The following TRIOBP variants were observed in gnomAD, a reference collection of about 807,000 sequenced individuals.
TRIOBP encodes TRIO and F-actin-binding protein.
TRIOBP carries 169 observed loss-of-function variants against 238.8 expected under a neutral mutation model. The ratio of observed to expected loss-of-function variants is 0.71; its 90% CI spans 0.62 to 0.80. The LOEUF (loss-of-function observed/expected upper bound fraction) is 0.80, where lower values mean the gene tolerates loss of function less well. Ranked by LOEUF, TRIOBP falls within the 30% of genes least tolerant of loss-of-function variation. TRIOBP has a pLI of 0.00. For missense variants in TRIOBP, 2,838 were observed against 3,122.6 expected (o/e 0.91, Z 2.17); for synonymous variants, 1,150 against 1,274.4 (o/e 0.90, Z 2.08).
intron 4 of TRIOBP, among the ~76,000 whole-genome samples, chr22:37,712,631 G>C (rs113981457): frequency 1.3e-5 from 2 of 151,420 alleles, no homozygotes; most frequent in Non-Finnish European, 2.9e-5. Flanking sequence ...CACTGCGCCC[G>C]GCCTAAAATG....
rs1311310504 is a variant in TRIOBP, at chr22:37,715,795, G to A, written c.489G>A (p.Glu163=). 3.1e-6 allele frequency: 5 copies of A among 1,614,062 alleles called. No individual in the cohort carries two copies. In the South Asian group the frequency reaches 5.5e-5, roughly 18 times the overall value. ...ACACTGTTGAGAGGCAGGAGGAGGAGGCCCCCAGCTGGGACGAGCTCGCAG... is the reference window on the plus strand; with the variant it reads ...ACACTGTTGAGAGGCAGGAGGAGGAAGCCCCCAGCTGGGACGAGCTCGCAG... ...DWDTVERQEE[E]APSWDELAVM... The change falls in exon 6 of 24, where the codon GAG becomes GAA. Residue 163 remains glutamate, a synonymous_variant. Coordinates refer to ENST00000644935, the MANE Select transcript of TRIOBP (RefSeq NM_001039141.3).
At chr22:37,752,915 C>G (rs1485263999) in intron 12 of TRIOBP, among the ~76,000 whole-genome samples, 1 of 152,230 alleles carries the variant, frequency 6.6e-6, no homozygotes, top group Non-Finnish European at 1.5e-5. Context: ...TTGGTCTCTT[C>G]CAGGCCTAGG....
intron 20 of TRIOBP, 27 bp from the exon 21 acceptor site, chr22:37,769,235 C>A: frequency 6.2e-7 from 1 of 1,605,494 alleles, no homozygotes; most frequent in South Asian, 1.1e-5. Context: ...CCCGGCACCC[C>A]TCCCCTGACC....
chr22:37,713,097 C>T, intron 4 of TRIOBP, 113 bp from the exon 5 acceptor site: 1 of 946,746 alleles, frequency 1.1e-6, no homozygotes, highest in Non-Finnish European at 1.6e-6. Flanking sequence ...GGCTCCCTTT[C>T]CCACACCAGC....
At chr22:37,710,593 G>C (rs1415012268) in intron 4 of TRIOBP, 27 bp downstream of exon 4, 3 of 1,598,718 alleles carry the variant, frequency 1.9e-6, no homozygotes, top group Non-Finnish European at 2.6e-6. Context: ...GGCCCAGGAA[G>C]GGCTTCATGG....
rs752638945 is a variant in TRIOBP at position 37,754,907 on chromosome 22, A to C, written c.5410A>C (p.Thr1804Pro). Reference sequence around the variant, plus strand: ...CTCCCCCTCGCTCACCACCACCTCTACTTCGCAGTGGAAGAAACATTGGTT... The same window carrying C: ...CTCCCCCTCGCTCACCACCACCTCTCCTTCGCAGTGGAAGAAACATTGGTT... ...PPSPSLTTTS[T>P]SQWKKHWFVL... Residue 1804 changes from threonine to proline, a missense_variant, in exon 13 of 24, where the codon ACT becomes CCT. By Grantham distance (38) the Thr-to-Pro change is conservative. Coordinates refer to ENST00000644935, the MANE Select transcript of TRIOBP (RefSeq NM_001039141.3). The C allele has an allele frequency of 1.9e-6, 3 of 1,613,982 alleles. No individual in the cohort carries two copies. In the East Asian group the frequency reaches 6.7e-5, roughly 36 times the overall value.
intron 7 of TRIOBP, among the ~76,000 whole-genome samples, chr22:37,730,468 G>A (rs1173701555): frequency 6.6e-6 from 1 of 152,158 alleles, no homozygotes; most frequent in Non-Finnish European, 1.5e-5. Flanking sequence ...CAAGTGCCTT[G>A]CTTCCCTGCA....
At chr22:37,750,790 G>A (rs765818929) in intron 11 of TRIOBP, 3 of 465,534 alleles carry the variant, frequency 6.4e-6, no homozygotes, top group Non-Finnish European at 1.3e-5. Context: ...GTCGGGAGAG[G>A]TGGCCAGGCA....
At position 37,755,097 on chromosome 22, in the gene TRIOBP, C is replaced by A; in HGVS notation, c.5488-4C>A. The A allele has an allele frequency of 6.2e-7, 1 of 1,613,512 alleles. No individual in the cohort carries two copies. ...ACGGACCATAGTGGGCCCTCTTGCT[C>A]CAGGCAGATGAGCTGGATGGTGAGA... On this transcript the variant is annotated splice_polypyrimidine_tract_variant and splice_region_variant and intron_variant, in intron 13 of 23. Transcript: ENST00000644935.
In TRIOBP at chr22:37,723,461, C is replaced by T; in HGVS notation, c.905C>T (p.Ala302Val). ...ASSTQQEISR[A>V]SSTQQETSRA... ...TCCACCCAACAGGAAATCTCCAGGGCCTCATCCACCCAACAGGAAACCTCC... is the reference window on the plus strand; with the variant it reads ...TCCACCCAACAGGAAATCTCCAGGGTCTCATCCACCCAACAGGAAACCTCC... The change falls in exon 7 of 24, where the codon GCC becomes GTC. Residue 302 changes from alanine to valine, a missense_variant. Around this residue, in one of 5 missense-constraint regions of TRIOBP, gnomAD observed 535 missense variants for 537.3 expected, o/e 1.00. Transcript: ENST00000644935. 1 of 1,613,578 alleles carries T rather than the reference C, an allele frequency of 6.2e-7. No homozygotes were observed. Among genetic ancestry groups the T allele is most frequent in the Non-Finnish European group, 8.5e-7 (1 of 1,179,820 alleles).
intron 3 of TRIOBP, among the ~76,000 whole-genome samples, chr22:37,706,264 G>A (rs1438346327): frequency 6.6e-6 from 1 of 152,104 alleles, no homozygotes; most frequent in Non-Finnish European, 1.5e-5. Flanking sequence ...TGGGGCTGGA[G>A]CTCAGAGCCA....
rs562698421 is a variant in TRIOBP at position 37,746,383 on chromosome 22, G to T, written c.5322+5351G>T. On this transcript the variant is annotated intron_variant, in intron 11 of 23. Coordinates refer to ENST00000644935, the MANE Select transcript of TRIOBP (RefSeq NM_001039141.3). ...GCCCGAGAGCCGCGTCCACGTTCCT[G>T]CCTCCTGCTCCCGCCGCCCTGGGGC... is the stretch of plus-strand genomic sequence containing the variant. The T allele has an allele frequency of 2.6e-4, 358 of 1,374,926 alleles. No individual in the cohort carries two copies. The African/African-American group carries it at 5.0e-3, about 19-fold the overall frequency. 85.2% of individuals were successfully genotyped at this position (1,374,926 alleles called of 1,614,324 possible).
In TRIOBP at chr22:37,726,174, G is replaced by T. The variant is rs1924147414; in HGVS notation, c.3618G>T (p.Leu1206=). Residue 1206 remains leucine (L), a synonymous_variant, in exon 7 of 24, where the codon CTG becomes CTT. Transcript: ENST00000644935. ...MESLAPSTDS[L]HGSPVLIPQV... ...GCCTGGCCCCCTCCACTGACTCTCT[G>T]CATGGCTCCCCAGTGCTGATCCCCC... is the stretch of plus-strand genomic sequence containing the variant. 1.9e-6 allele frequency: 3 copies of T among 1,578,308 alleles called. No homozygotes were observed. The highest frequency in any genetic ancestry group is 2.6e-6 in the Non-Finnish European group (3 of 1,162,632).
intron 7 of TRIOBP, 180 bp downstream of exon 7, chr22:37,726,683 T>TTGTG (rs778832833): frequency 1.5e-6 from 1 of 660,018 alleles, no homozygotes; most frequent in Admixed American, 3.6e-5. Flanking sequence ...GTTTTCTGTT[T>TTGTG]TGTGTGTGTG....
chr22:37,707,771 G>A (rs183934522), intron 3 of TRIOBP, among the ~76,000 whole-genome samples: 3 of 150,580 alleles, frequency 2.0e-5, no homozygotes, highest in African/African-American at 7.3e-5. Context: ...GTGAAACCCC[G>A]TCTCTACTAA....
At chr22:37,703,504 T>C (rs940550825) in intron 3 of TRIOBP, among the ~76,000 whole-genome samples, 2 of 72,602 alleles carry the variant, frequency 2.8e-5, no homozygotes, top group Non-Finnish European at 6.4e-5. Context: ...GAAGGTCCTC[T>C]TTTTTTTTTT....
intron 10 of TRIOBP, 103 bp from the exon 11 acceptor site, chr22:37,740,792 T>C (rs1924895656): frequency 1.3e-6 from 2 of 1,504,510 alleles, no homozygotes; most frequent in East Asian, 4.9e-5. Flanking sequence ...ACCCTGGGGC[T>C]CCATGGTGGG....
chr22:37,725,851 C>T lies in TRIOBP; in HGVS notation c.3295C>T (p.Gln1099Ter), dbSNP rs777561677. Residue 1099 changes from glutamine (Q) to a stop codon, truncating the protein, a stop_gained, in exon 7 of 24, where the codon CAG becomes TAG. Coordinates refer to ENST00000644935, the MANE Select transcript of TRIOBP (RefSeq NM_001039141.3). LOFTEE classifies it high-confidence loss of function. ...PDTSDAEHQC[Q>*]SPQHEPLQLP... is the part of the protein sequence containing the mutation. ...CACATCAGATGCCGAGCATCAGTGTCAGTCCCCCCAACACGAGCCCCTTCA... is the reference window on the plus strand; with the variant it reads ...CACATCAGATGCCGAGCATCAGTGTTAGTCCCCCCAACACGAGCCCCTTCA... 3.7e-6 allele frequency: 6 copies of T among 1,606,852 alleles called. No individual in the cohort carries two copies. The Admixed American group carries it at 8.4e-5, about 22-fold the overall frequency.
intron 3 of TRIOBP, among the ~76,000 whole-genome samples, chr22:37,708,243 C>G (rs891701968): frequency 1.2e-4 from 9 of 77,558 alleles, no homozygotes; most frequent in Admixed American, 7.2e-4. Flanking sequence ...GAGACTCCGT[C>G]TCACAAAAAA....
Sources: allele counts gnomAD v4.1 joint callset (sites outside exome capture counted in the v4.1 genomes callset), GRCh38; gene constraint gnomAD v4.1.1; regional missense constraint gnomAD v4.1.1; transcripts MANE v1.5; gene names NCBI Gene and HGNC (gene_info 2026-07-23, HGNC 2026-07-21).